Variants in GRB2 observed in about 807,000 individuals in gnomAD.
The protein encoded by GRB2 is growth factor receptor bound protein 2.
Under a neutral mutation model 27.4 loss-of-function variants are expected in GRB2, and 2 were observed. That is an observed-to-expected ratio of 0.07 (90% confidence interval 0.03 to 0.23). GRB2 has a LOEUF of 0.23. Ranked by LOEUF, GRB2 falls within the 10% of genes least tolerant of loss-of-function variation. GRB2 has a pLI of 1.00. For synonymous variants in GRB2, 94 were observed against 99.6 expected (o/e 0.94, Z 0.33); for missense variants, 102 against 282.4 (o/e 0.36, Z 4.58).
At position 75,352,888 on chromosome 17, in the gene GRB2, T is replaced by A. The variant is rs541393333; in HGVS notation, c.79-20091A>T. 6.7e-3 allele frequency among the ~76,000 whole-genome samples: 992 copies of A among 148,718 alleles called. 14 individuals carry two copies. The highest frequency in any genetic ancestry group is 0.023 in the African/African-American group (897 of 39,006). On this transcript the variant is annotated intron_variant, in intron 2 of 5. Coordinates refer to ENST00000316804, the MANE Select transcript of GRB2 (RefSeq NM_002086.5). Reference sequence around the variant, plus strand: ...AAAGTTAACTTGTTTTTTTTTTTTTTTTAAAAGACATAGTTGGCCAGGCAC... The same window carrying A: ...AAAGTTAACTTGTTTTTTTTTTTTTATTAAAAGACATAGTTGGCCAGGCAC...
chr17:75,362,557 A>G (rs1287445875), intron 2 of GRB2, among the ~76,000 whole-genome samples: 1 of 152,236 alleles, frequency 6.6e-6, no homozygotes, highest in Non-Finnish European at 1.5e-5. Context: ...CAAGGGCTTA[A>G]TAATTTTCAC....
At chr17:75,341,020 G>C (rs2078617149) in intron 2 of GRB2, among the ~76,000 whole-genome samples, 1 of 152,176 alleles carries the variant, frequency 6.6e-6, no homozygotes, top group African/African-American at 2.4e-5. Context: ...CGCAACTACA[G>C]CAAGGCCACG....
intron 2 of GRB2, chr17:75,338,822 C>T (rs947887842): frequency 2.6e-5 from 20 of 756,066 alleles, no homozygotes; most frequent in South Asian, 2.3e-4. Flanking sequence ...ATAGCACTCA[C>T]GCAAATGGTC....
chr17:75,323,957 G>A (rs775447255), intron 4 of GRB2, among the ~76,000 whole-genome samples: 1 of 151,610 alleles, frequency 6.6e-6, no homozygotes, highest in Non-Finnish European at 1.5e-5. Context: ...ATACAGGCAT[G>A]TGCCACCACG....
At chr17:75,402,368 C>T (rs1035978236) in intron 1 of GRB2, among the ~76,000 whole-genome samples, 7 of 152,152 alleles carry the variant, frequency 4.6e-5, no homozygotes, top group African/African-American at 1.7e-4. Context: ...CAAGTTAAAT[C>T]ACTCCACATC....
intron 1 of GRB2, among the ~76,000 whole-genome samples, chr17:75,403,398 A>G (rs980463695): frequency 7.9e-5 from 12 of 152,146 alleles, no homozygotes; most frequent in Non-Finnish European, 8.8e-5. Flanking sequence ...TCTAAGTACC[A>G]TCAACCAGTA....
At chr17:75,399,592 T>C (rs1031266865) in intron 1 of GRB2, among the ~76,000 whole-genome samples, 1 of 151,754 alleles carries the variant, frequency 6.6e-6, no homozygotes, top group Middle Eastern at 3.2e-3. Context: ...GGTCTTGAAC[T>C]CCTGACCTCG....
chr17:75,350,551 G>A (rs376858198), intron 2 of GRB2, among the ~76,000 whole-genome samples: 2 of 152,156 alleles, frequency 1.3e-5, no homozygotes, highest in Non-Finnish European at 2.9e-5. Flanking sequence ...GAGTGCAGTG[G>A]CGCGATCTCG....
intron 3 of GRB2, among the ~76,000 whole-genome samples, chr17:75,327,269 G>C (rs911565153): frequency 6.6e-6 from 1 of 151,404 alleles, no homozygotes; most frequent in Non-Finnish European, 1.5e-5. Flanking sequence ...TAGTAAAGAT[G>C]GGGTTTCACC....
In GRB2 at chr17:75,320,261, G is replaced by A; in HGVS notation, c.*107C>T. 1.0e-6 allele frequency: 1 copy of A among 955,214 alleles called. No individual in the cohort carries two copies. Among genetic ancestry groups the A allele is most frequent in the Admixed American group, 1.9e-5 (1 of 51,374 alleles). The allele number at this position is 955,214 out of a possible 1,614,324, so 59.2% of individuals were successfully genotyped here. ...GAGGGTCACAGGGTGACCCGGCCAGGTGTTCTGCACTCCCTCACAGGCTGC... is the reference window on the plus strand; with the variant it reads ...GAGGGTCACAGGGTGACCCGGCCAGATGTTCTGCACTCCCTCACAGGCTGC... On this transcript the variant is annotated 3_prime_UTR_variant, in exon 6 of 6. Coordinates refer to ENST00000316804, the MANE Select transcript of GRB2 (RefSeq NM_002086.5). The surrounding 1 kb of genome is among the most constrained non-coding windows in gnomAD (Gnocchi z 4.3).
intron 2 of GRB2, among the ~76,000 whole-genome samples, chr17:75,379,718 A>G (rs998088767): frequency 6.6e-6 from 1 of 152,204 alleles, no homozygotes; most frequent in African/African-American, 2.4e-5. Context: ...TGCATGATAG[A>G]TAGCTAAAAA....
At chr17:75,402,347 A>C (rs2079069381) in intron 1 of GRB2, among the ~76,000 whole-genome samples, 1 of 152,228 alleles carries the variant, frequency 6.6e-6, no homozygotes, top group Non-Finnish European at 1.5e-5. Context: ...GACCCTATTA[A>C]GTATAAATTT....
intron 2 of GRB2, among the ~76,000 whole-genome samples, chr17:75,356,266 C>T (rs1332183437): frequency 6.6e-6 from 1 of 151,912 alleles, no homozygotes; most frequent in Non-Finnish European, 1.5e-5. Flanking sequence ...CCTGTAATTC[C>T]AACACTTTGG....
rs1555608796 is a variant in GRB2, at chr17:75,328,937, C to CAAAA, written c.177-2921_177-2918dup. On this transcript the variant is annotated intron_variant, in intron 3 of 5. Coordinates refer to ENST00000316804, the MANE Select transcript of GRB2 (RefSeq NM_002086.5). Reference sequence around the variant, plus strand: ...TGGGCGACAAAGCGAGACTCGCTTTCAAAAAATAAATAAATAAATAAATAA... The same window carrying CAAAA: ...TGGGCGACAAAGCGAGACTCGCTTTCAAAAAAAAAATAAATAAATAAATAAATAA... Among the ~76,000 whole-genome samples, 26 of 90,402 alleles carry CAAAA rather than the reference C, an allele frequency of 2.9e-4. No homozygotes were observed. The South Asian group carries it at 5.0e-3, about 17-fold the overall frequency. 59.3% of individuals were successfully genotyped at this position (90,402 alleles called of 152,430 possible). A position where few individuals can be genotyped will look rare whatever the true frequency, so the allele number is the denominator to read the frequency against.
At chr17:75,386,985 C>G (rs1222648516) in intron 2 of GRB2, among the ~76,000 whole-genome samples, 1 of 39,758 alleles carries the variant, frequency 2.5e-5, no homozygotes, top group African/African-American at 3.7e-5. Flanking sequence ...ACCATCCTGG[C>G]TAACTAAAAA....
intron 2 of GRB2, among the ~76,000 whole-genome samples, chr17:75,379,270 C>T (rs2145861495): frequency 6.6e-6 from 1 of 152,056 alleles, no homozygotes; most frequent in African/African-American, 2.4e-5. Flanking sequence ...TATTTATTTG[C>T]TTATTTAATT....
At chr17:75,325,709 GA>G (rs1347606180) in intron 4 of GRB2, among the ~76,000 whole-genome samples, 188 bp downstream of exon 4, 6 of 152,236 alleles carry the variant, frequency 3.9e-5, no homozygotes, top group Admixed American at 2.0e-4. Context: ...GTCCACATGG[GA>G]ATCTACATCC....
chr17:75,400,330 T>G (rs573278194), intron 1 of GRB2, among the ~76,000 whole-genome samples: 2 of 151,540 alleles, frequency 1.3e-5, no homozygotes, highest in East Asian at 3.9e-4. Flanking sequence ...TGCACCACCA[T>G]GCCTGGCTAA....
chr17:75,371,439 A>G (rs2078856093), intron 2 of GRB2: 1 of 152,192 alleles, frequency 6.6e-6, no homozygotes, highest in African/African-American at 2.4e-5. Flanking sequence ...GACTCAGTTC[A>G]CACTGAGTAG....
Sources: allele counts gnomAD v4.1 joint callset (sites outside exome capture counted in the v4.1 genomes callset), GRCh38; gene constraint gnomAD v4.1.1; non-coding constraint Gnocchi (gnomAD v3.1); transcripts MANE v1.5; gene names NCBI Gene and HGNC (gene_info 2026-07-23, HGNC 2026-07-21).